COL9A1: variants seen among roughly 807,000 people sequenced by gnomAD.
The protein encoded by COL9A1 is collagen type IX alpha 1 chain.
Under a neutral mutation model 142.6 loss-of-function variants are expected in COL9A1, and 104 were observed. That is an observed-to-expected ratio of 0.73 (90% CI 0.62 to 0.86). The LOEUF (loss-of-function observed/expected upper bound fraction) is 0.86, where lower values mean the gene tolerates loss of function less well. COL9A1 is among the 40% of genes least tolerant of loss of function. The pLI, the probability that COL9A1 is intolerant of heterozygous loss-of-function variation, is 0.00. For synonymous variants in COL9A1, 466 were observed against 396.0 expected (o/e 1.18, Z -2.10); for missense variants, 1,210 against 1,176.6 (o/e 1.03, Z -0.42).
chr6:70,302,262 T>G (rs188982547), intron 1 of COL9A1, among the ~76,000 whole-genome samples, 188 bp from the exon 2 acceptor site: 4 of 141,788 alleles, frequency 2.8e-5, no homozygotes, highest in Non-Finnish European at 4.5e-5. Context: ...CAGGCTGGAG[T>G]GCAATGGCGC....
At chr6:70,215,229 G>A (rs1039116476), downstream of COL9A1, 1 of 152,072 alleles carries the variant, frequency 6.6e-6, no homozygotes, top group African/African-American at 2.4e-5. Flanking sequence ...TGATCTATAT[G>A]GCAAAGTTGG....
intron 37 of COL9A1, 141 bp downstream of exon 37, chr6:70,225,791 G>C (rs1769189083): frequency 6.9e-6 from 5 of 722,722 alleles, no homozygotes; most frequent in Admixed American, 2.0e-5. Flanking sequence ...AGCTGGTCTT[G>C]AAAAATCTAT....
chr6:70,236,903 C>A (rs1326200490), intron 33 of COL9A1, among the ~76,000 whole-genome samples: 1 of 151,844 alleles, frequency 6.6e-6, no homozygotes, highest in African/African-American at 2.4e-5. Flanking sequence ...CTCACCACAA[C>A]CTCCACCTCC....
intron 25 of COL9A1, among the ~76,000 whole-genome samples, chr6:70,253,724 T>C (rs928001798): frequency 6.6e-6 from 1 of 152,180 alleles, no homozygotes; most frequent in African/African-American, 2.4e-5. Context: ...TAGAATCCAG[T>C]ACCACTTTCA....
At chr6:70,236,136 A>C (rs988692313) in intron 33 of COL9A1, among the ~76,000 whole-genome samples, 2 of 150,686 alleles carry the variant, frequency 1.3e-5, no homozygotes, top group Admixed American at 6.6e-5. Flanking sequence ...AAAAAAAAAA[A>C]AAAAACTTGA....
At chr6:70,244,018 C>G (rs1257260562) in intron 28 of COL9A1, among the ~76,000 whole-genome samples, 1 of 152,160 alleles carries the variant, frequency 6.6e-6, no homozygotes, top group African/African-American at 2.4e-5. Context: ...TATTCTGACT[C>G]GTGCTATTTA....
chr6:70,251,237 A>G (rs1770918947), intron 28 of COL9A1, among the ~76,000 whole-genome samples: 1 of 152,188 alleles, frequency 6.6e-6, no homozygotes, highest in Admixed American at 6.5e-5. Flanking sequence ...GACAGAAGCC[A>G]ATCATTAGGA....
intron 36 of COL9A1, among the ~76,000 whole-genome samples, chr6:70,230,112 C>T (rs1196649153): frequency 6.6e-6 from 1 of 152,140 alleles, no homozygotes; most frequent in Non-Finnish European, 1.5e-5. Context: ...TATATCTCTC[C>T]TCTAATTGAC....
chr6:70,288,187 T>C (rs530578548), intron 5 of COL9A1, among the ~76,000 whole-genome samples: 39 of 152,324 alleles, frequency 2.6e-4, no homozygotes, highest in Non-Finnish European at 5.6e-4. Flanking sequence ...TGTCAGTAAA[T>C]GGCACGTCTA....
At chr6:70,282,568 TGGGGCG>T (rs1300555090) in intron 7 of COL9A1, among the ~76,000 whole-genome samples, 1 of 24,608 alleles carries the variant, frequency 4.1e-5, no homozygotes, top group Non-Finnish European at 8.2e-5. Context: ...GACCAGGAGG[TGGGGCG>T]GGGGAGGGGG....
intron 5 of COL9A1, among the ~76,000 whole-genome samples, chr6:70,293,079 C>A (rs962856197): frequency 4.6e-5 from 7 of 152,108 alleles, no homozygotes; most frequent in African/African-American, 1.7e-4. Flanking sequence ...CCCTGATAAC[C>A]TTTTCTTCTT....
At chr6:70,282,485 G>C (rs679521) in intron 7 of COL9A1, among the ~76,000 whole-genome samples, 62,167 of 151,578 alleles carry the variant, frequency 0.41, 14,118 homozygotes, top group African/African-American at 0.61. Flanking sequence ...GTGCAGCTAC[G>C]GCGGGCTGGA....
chr6:70,283,068 C>T, intron 6 of COL9A1, 150 bp from the exon 7 acceptor site: 2 of 1,587,064 alleles, frequency 1.3e-6, no homozygotes, highest in Non-Finnish European at 1.7e-6. Flanking sequence ...CCGCCCGCCG[C>T]TAATCCCTTG....
At chr6:70,291,849 T>C (rs1403050900) in intron 5 of COL9A1, among the ~76,000 whole-genome samples, 1 of 152,114 alleles carries the variant, frequency 6.6e-6, no homozygotes, top group Admixed American at 6.6e-5. Flanking sequence ...AGATTAGAAA[T>C]GTTGTGCCTA....
chr6:70,260,686 T>C lies in COL9A1; in HGVS notation c.1420A>G (p.Thr474Ala). ...PPGAQGLRGI[T>A]GIVGDKGEKG... ...TCCCCTTTGTCCCCAACTATGCCGG[T>C]GATGCCTCGCAAACCCTGGGCTCCC... The change falls in exon 20 of 38, where the codon ACC becomes GCC. Residue 474 changes from threonine to alanine, a missense_variant. By Grantham distance (58) the Thr-to-Ala change is moderately conservative (BLOSUM62 0). Coordinates refer to ENST00000357250, the MANE Select transcript of COL9A1 (RefSeq NM_001851.6). 6.2e-7 allele frequency: 1 copy of C among 1,614,040 alleles called. No individual in the cohort carries two copies. The highest frequency in any genetic ancestry group is 8.5e-7 in the Non-Finnish European group (1 of 1,179,970).
At chr6:70,280,769 A>G in intron 10 of COL9A1, 43 bp downstream of exon 10, 2 of 1,589,652 alleles carry the variant, frequency 1.3e-6, no homozygotes, top group South Asian at 2.3e-5. Context: ...CGTACCCACC[A>G]CACACCCCAG....
chr6:70,227,035 G>T (rs1197823876), intron 36 of COL9A1, among the ~76,000 whole-genome samples: 4 of 152,050 alleles, frequency 2.6e-5, no homozygotes, highest in Admixed American at 2.6e-4. Context: ...TACAGGATTT[G>T]GGTTTATAAT....
intron 10 of COL9A1, among the ~76,000 whole-genome samples, chr6:70,277,007 T>C (rs905021395): frequency 6.6e-6 from 1 of 152,226 alleles, no homozygotes; most frequent in Non-Finnish European, 1.5e-5. Flanking sequence ...ACTGATCTTT[T>C]AGAATAATTT....
intron 12 of COL9A1, among the ~76,000 whole-genome samples, chr6:70,273,109 A>T (rs1444597951): frequency 6.6e-6 from 1 of 152,206 alleles, no homozygotes; most frequent in African/African-American, 2.4e-5. Context: ...TTGGACAGGA[A>T]AAACAAGCAA....
Sources: allele counts gnomAD v4.1 joint callset (sites outside exome capture counted in the v4.1 genomes callset), GRCh38; gene constraint gnomAD v4.1.1; transcripts MANE v1.5; gene names NCBI Gene and HGNC (gene_info 2026-07-23, HGNC 2026-07-21).